CEP63: variants seen among roughly 807,000 people sequenced by gnomAD.
The protein encoded by CEP63 is centrosomal protein of 63 kDa.
In CEP63, 84 loss-of-function variants were observed where a neutral mutation model predicts 89.1. That is an observed-to-expected ratio of 0.94 (90% confidence interval 0.79 to 1.13). The LOEUF is 1.13. CEP63 is among the 50% of genes most tolerant of loss of function. CEP63 has a pLI of 0.00. For missense variants in CEP63, 838 were observed against 813.3 expected (o/e 1.03, Z -0.37); for synonymous variants, 267 against 272.5 (o/e 0.98, Z 0.20).
At chr3:134,672,493 G>T in the CEP63 span, among the ~76,000 whole-genome samples, 2 of 152,090 alleles carry the variant, frequency 1.3e-5, no homozygotes, top group Non-Finnish European at 2.9e-5. Flanking sequence ...TCATGATTCT[G>T]GTTTATTTTC....
intron 3 of CEP63, among the ~76,000 whole-genome samples, chr3:134,527,106 G>A (rs996311325): frequency 1.3e-5 from 2 of 152,244 alleles, no homozygotes; most frequent in Non-Finnish European, 2.9e-5. Flanking sequence ...AGCAGTGGTA[G>A]CAGCAGTGCA....
At chr3:134,578,767 T>C (rs1300817420), downstream of CEP63, among the ~76,000 whole-genome samples, 1 of 152,246 alleles carries the variant, frequency 6.6e-6, no homozygotes, top group African/African-American at 2.4e-5. Context: ...GTTGTTTTTT[T>C]CTTGTAAATT....
At chr3:134,768,356 T>C in the CEP63 span, among the ~76,000 whole-genome samples, 1 of 152,320 alleles carries the variant, frequency 6.6e-6, no homozygotes, top group African/African-American at 2.4e-5. Context: ...AAGGACCTCA[T>C]TTGTCCTGCT....
intron 5 of CEP63, chr3:134,536,224 T>C (rs2109191162): frequency 6.6e-6 from 1 of 152,448 alleles, no homozygotes; most frequent in South Asian, 2.1e-4. Flanking sequence ...ACAAGAAATG[T>C]GTCATCTGTT....
chr3:134,653,160 G>A, the CEP63 span, among the ~76,000 whole-genome samples: 2 of 152,160 alleles, frequency 1.3e-5, no homozygotes, highest in Non-Finnish European at 2.9e-5. Context: ...CATCCTTGGC[G>A]CTATTGACAT....
At chr3:134,743,623 C>T in the CEP63 span, among the ~76,000 whole-genome samples, 1 of 152,092 alleles carries the variant, frequency 6.6e-6, no homozygotes, top group Non-Finnish European at 1.5e-5. Context: ...GTTCACATCC[C>T]ATCTGGGTAT....
At chr3:134,662,219 G>C in the CEP63 span, among the ~76,000 whole-genome samples, 2 of 151,754 alleles carry the variant, frequency 1.3e-5, no homozygotes, top group Admixed American at 1.3e-4. Flanking sequence ...AGAGCTTGCA[G>C]TGAGCCAAGA....
the CEP63 span, among the ~76,000 whole-genome samples, chr3:134,746,177 T>C: frequency 6.6e-6 from 1 of 152,146 alleles, no homozygotes; most frequent in African/African-American, 2.4e-5. Flanking sequence ...GTGTTTGGTT[T>C]TCTGTCCTTG....
Position 134,506,628 on chromosome 3 carries a change from A to G in CEP63, c.45-481A>G, listed in dbSNP as rs551538609. ...TCATCTTAATATGAGCATTAAAAGTAAAAGCTCAGGCCGGGCACGGTGGCT... is the reference window on the plus strand; with the variant it reads ...TCATCTTAATATGAGCATTAAAAGTGAAAGCTCAGGCCGGGCACGGTGGCT... On this transcript the variant is annotated intron_variant, in intron 2 of 14. Transcript: ENST00000675561. Among the ~76,000 whole-genome samples, 10 of 152,318 alleles carry G rather than the reference A, an allele frequency of 6.6e-5. No homozygotes were observed. In the South Asian group the frequency reaches 1.0e-3, roughly 16 times the overall value.
the CEP63 span, among the ~76,000 whole-genome samples, chr3:134,753,734 C>A: frequency 6.6e-6 from 1 of 152,186 alleles, no homozygotes; most frequent in South Asian, 2.1e-4. Flanking sequence ...ATAATTCTGA[C>A]GCATGCACTT....
chr3:134,556,684 C>A (rs1005663548), intron 12 of CEP63, among the ~76,000 whole-genome samples: 1 of 152,084 alleles, frequency 6.6e-6, no homozygotes, highest in African/African-American at 2.4e-5. Flanking sequence ...AGACCATGAC[C>A]AGAGATGCTG....
chr3:134,510,285 A>G (rs1944529005), intron 3 of CEP63, among the ~76,000 whole-genome samples: 1 of 152,372 alleles, frequency 6.6e-6, no homozygotes, highest in East Asian at 1.9e-4. Context: ...TGTATTAACT[A>G]GAATTAATGG....
chr3:134,700,677 T>C, the CEP63 span, among the ~76,000 whole-genome samples: 1 of 152,186 alleles, frequency 6.6e-6, no homozygotes, highest in African/African-American at 2.4e-5. Flanking sequence ...TACAGTCATA[T>C]CACAGATTAG....
chr3:134,664,668 TTTTGTGTGTG>T, the CEP63 span, among the ~76,000 whole-genome samples: 2 of 3,282 alleles, frequency 6.1e-4, no homozygotes, highest in East Asian at 0.036. Context: ...CTTTAAGCAG[TTTTGTGTGTG>T]TGTGTGTGTG....
chr3:134,670,675 C>T, the CEP63 span, among the ~76,000 whole-genome samples: 1 of 152,218 alleles, frequency 6.6e-6, no homozygotes, highest in Non-Finnish European at 1.5e-5. Flanking sequence ...TATTTGGCAA[C>T]ATCTGATAAA....
chr3:134,579,676 C>T (rs775352249), downstream of CEP63, among the ~76,000 whole-genome samples: 1 of 152,114 alleles, frequency 6.6e-6, no homozygotes, highest in Non-Finnish European at 1.5e-5. Flanking sequence ...ATATATTCAA[C>T]ACAGTAATTC....
the CEP63 span, among the ~76,000 whole-genome samples, chr3:134,636,249 T>C: frequency 8.5e-5 from 13 of 152,246 alleles, no homozygotes; most frequent in Non-Finnish European, 1.8e-4. Context: ...TCTATGATCT[T>C]ATCAGTAGTG....
chr3:134,684,207 T>C, the CEP63 span, among the ~76,000 whole-genome samples: 9,550 of 152,240 alleles, frequency 0.063, 496 homozygotes, highest in South Asian at 0.29. Context: ...ATAAAGAACT[T>C]TTCCCTGACT....
In CEP63 at chr3:134,550,273, C is replaced by T. The variant is rs771255919; in HGVS notation, c.1380+13C>T. The T allele has an allele frequency of 3.1e-6, 5 of 1,611,568 alleles. No individual in the cohort carries two copies. The highest frequency in any genetic ancestry group is 2.2e-5 in the East Asian group (1 of 44,842). On this transcript the variant is annotated intron_variant, in intron 11 of 14. Coordinates refer to ENST00000675561, the MANE Select transcript of CEP63 (RefSeq NM_001353108.3). ...AGTAGAGCATAAGGTGAAGCCTGAA[C>T]AAAACCTTTTTTAAATTTGAAATTT...
Sources: allele counts gnomAD v4.1 joint callset (sites outside exome capture counted in the v4.1 genomes callset), GRCh38; gene constraint gnomAD v4.1.1; transcripts MANE v1.5; gene names NCBI Gene and HGNC (gene_info 2026-07-23, HGNC 2026-07-21).